Variants in CBFA2T3 observed in about 807,000 individuals in gnomAD.
The protein encoded by CBFA2T3 is CBFA2/RUNX1 partner transcriptional co-repressor 3.
Under a neutral mutation model 58.6 loss-of-function variants are expected in CBFA2T3, and 31 were observed. That is an observed-to-expected ratio of 0.53 (90% CI 0.40 to 0.71). The LOEUF (loss-of-function observed/expected upper bound fraction) is 0.71, where lower values mean the gene tolerates loss of function less well. CBFA2T3 is among the 30% of genes least tolerant of loss of function. The pLI is 0.00. For missense variants in CBFA2T3, 1,076 were observed against 963.1 expected (o/e 1.12, Z -1.55); for synonymous variants, 531 against 421.9 (o/e 1.26, Z -3.17).
chr16:88,892,065 A>G (rs1285215957), intron 4 of CBFA2T3, 94 bp from the exon 5 acceptor site: 6 of 1,354,018 alleles, frequency 4.4e-6, no homozygotes, highest in African/African-American at 1.4e-5. Flanking sequence ...TCCGTGTTGG[A>G]GGCAGGCAGG....
At chr16:88,908,131 C>G (rs1462651688) in intron 1 of CBFA2T3, among the ~76,000 whole-genome samples, 1 of 152,186 alleles carries the variant, frequency 6.6e-6, no homozygotes, top group Non-Finnish European at 1.5e-5. Context: ...CACTTGAGGT[C>G]AGGAGTTCAG....
intron 1 of CBFA2T3, among the ~76,000 whole-genome samples, chr16:88,918,779 G>A (rs1240696566): frequency 2.0e-5 from 3 of 152,164 alleles, no homozygotes; most frequent in African/African-American, 7.2e-5. Context: ...GGCCTCCCAC[G>A]GCAGGGGGTG....
At chr16:88,916,229 T>G (rs1032385236) in intron 1 of CBFA2T3, among the ~76,000 whole-genome samples, 1 of 58,812 alleles carries the variant, frequency 1.7e-5, no homozygotes, top group African/African-American at 9.2e-5. Flanking sequence ...TACATGTGGG[T>G]GTGTGTATTC....
rs1972800467 is a variant in CBFA2T3, at chr16:88,975,168, T to TGATC, written c.151+1488_151+1489insGATC. Among the ~76,000 whole-genome samples, 159 of 76,664 alleles carry TGATC rather than the reference T, an allele frequency of 2.1e-3. 3 individuals are homozygous for TGATC. Among genetic ancestry groups the TGATC allele is most frequent in the East Asian group, 8.1e-3 (23 of 2,832 alleles). 50.3% of individuals were successfully genotyped at this position (76,664 alleles called of 152,430 possible). A position where few individuals can be genotyped will look rare whatever the true frequency, so the allele number is the denominator to read the frequency against. On this transcript the variant is annotated intron_variant, in intron 1 of 11. Transcript: ENST00000268679. ...CCATGTCAGAGGTCCACCCTGACCCTCTCTGCTCCACATCTTTAGCCATGT... is the reference window on the plus strand; with the variant it reads ...CCATGTCAGAGGTCCACCCTGACCCTGATCCTCTGCTCCACATCTTTAGCCATGT...
In CBFA2T3 at chr16:88,885,231, G is replaced by A; in HGVS notation, c.932C>T (p.Pro311Leu). 6.3e-7 allele frequency: 1 copy of A among 1,584,236 alleles called. No homozygotes were observed. Among genetic ancestry groups the A allele is most frequent in the South Asian group, 1.1e-5 (1 of 88,326 alleles). Residue 311 changes from proline to leucine, a missense_variant, in exon 7 of 12, where the codon CCC becomes CTC. Coordinates refer to ENST00000268679, the MANE Select transcript of CBFA2T3 (RefSeq NM_005187.6). This position sits in a 1 kb window ranked among gnomAD's most constrained non-coding sequence, Gnocchi z 5.3. ...ENGSDRDPLHPEHLSKRPCTL... is the reference protein window; with the variant it reads ...ENGSDRDPLHLEHLSKRPCTL... ...GCATGGCCGTTTGCTGAGGTGCTCG[G>A]GGTGCAGCGGGTCGCGGTCTGACCC...
intron 2 of CBFA2T3, among the ~76,000 whole-genome samples, chr16:88,898,380 G>A (rs1969970256): frequency 6.6e-6 from 1 of 150,570 alleles, no homozygotes; most frequent in Non-Finnish European, 1.5e-5. Context: ...GGGACGCCCG[G>A]GCCGCCGTTT....
chr16:88,890,524 G>C (rs1024055732), intron 5 of CBFA2T3, among the ~76,000 whole-genome samples: 1 of 152,162 alleles, frequency 6.6e-6, no homozygotes, highest in Non-Finnish European at 1.5e-5. Context: ...ACACGTGCTC[G>C]GCAGAGAAGG....
rs569903438 is a variant in CBFA2T3, at chr16:88,888,780, T to G, written c.712-2638A>C. On this transcript the variant is annotated intron_variant, in intron 5 of 11. Transcript: ENST00000268679. The stretch of plus-strand genomic sequence containing the variant: ...GCCATGTCAGAGAGGTGAACAGACT[T>G]CATGTCCCACTGGCCCCGGGCCCCG... Among the ~76,000 whole-genome samples the G allele has an allele frequency of 4.6e-5, 7 of 151,728 alleles. 1 individual carries two copies. Among genetic ancestry groups the G allele is most frequent in the African/African-American group, 1.7e-4 (7 of 41,340 alleles).
At chr16:88,934,264 G>A (rs1251160565) in intron 1 of CBFA2T3, among the ~76,000 whole-genome samples, 3 of 152,150 alleles carry the variant, frequency 2.0e-5, no homozygotes, top group Non-Finnish European at 4.4e-5. Context: ...CGGGCGAGAA[G>A]GGCTGCCCCA....
chr16:88,882,797 C>T, intron 7 of CBFA2T3, 36 bp from the exon 8 acceptor site: 1 of 1,363,196 alleles, frequency 7.3e-7, no homozygotes, highest in African/African-American at 1.4e-5. Context: ...AGGTCCCACC[C>T]ACAGCCAGTC....
intron 1 of CBFA2T3, among the ~76,000 whole-genome samples, chr16:88,926,883 A>G (rs1237722401): frequency 6.6e-6 from 1 of 152,196 alleles, no homozygotes; most frequent in Non-Finnish European, 1.5e-5. Context: ...TCCTTGCAGC[A>G]GCAGGGCAGC....
intron 1 of CBFA2T3, among the ~76,000 whole-genome samples, chr16:88,942,082 C>T (rs543838228): frequency 3.9e-5 from 6 of 152,298 alleles, no homozygotes; most frequent in Non-Finnish European, 8.8e-5. Flanking sequence ...TTTGCATACA[C>T]TTTGCATTCA....
chr16:88,908,788 G>T (rs183440347), intron 1 of CBFA2T3, among the ~76,000 whole-genome samples: 14 of 152,380 alleles, frequency 9.2e-5, no homozygotes, highest in Admixed American at 9.1e-4. Context: ...ATAGGACGCT[G>T]GGCAGGTAAC....
chr16:88,942,924 A>C (rs1395531723), intron 1 of CBFA2T3, among the ~76,000 whole-genome samples: 2 of 151,988 alleles, frequency 1.3e-5, no homozygotes, highest in African/African-American at 4.8e-5. Flanking sequence ...TTCTGAGCCC[A>C]CCCCACAGTA....
chr16:88,901,877 G>A (rs1404506465), intron 1 of CBFA2T3, among the ~76,000 whole-genome samples: 2 of 152,146 alleles, frequency 1.3e-5, no homozygotes, highest in African/African-American at 2.4e-5. Context: ...TGAGGTGGCC[G>A]GCCAGGCTGG....
At chr16:88,889,402 G>GGGGC (rs2142572625) in intron 5 of CBFA2T3, among the ~76,000 whole-genome samples, 1 of 148,216 alleles carries the variant, frequency 6.7e-6, no homozygotes, top group South Asian at 2.2e-4. Context: ...AGAGGAGGCA[G>GGGGC]GGGCGGGAGG....
chr16:88,900,604 G>T (rs1441756619), intron 2 of CBFA2T3, among the ~76,000 whole-genome samples: 1 of 152,172 alleles, frequency 6.6e-6, no homozygotes, highest in Non-Finnish European at 1.5e-5. Context: ...GAGTTTCAGA[G>T]CCTGGGGAGG....
intron 1 of CBFA2T3, among the ~76,000 whole-genome samples, chr16:88,967,538 C>A (rs1382082703): frequency 4.6e-5 from 7 of 151,916 alleles, no homozygotes; most frequent in African/African-American, 1.7e-4. Context: ...TGAGCTAGGT[C>A]CCCCCAACCC....
chr16:88,957,909 G>C (rs1972258883), intron 1 of CBFA2T3: 1 of 152,108 alleles, frequency 6.6e-6, no homozygotes. Flanking sequence ...TCTAAAACTT[G>C]TTAGCAATGA....
Sources: allele counts gnomAD v4.1 joint callset (sites outside exome capture counted in the v4.1 genomes callset), GRCh38; gene constraint gnomAD v4.1.1; non-coding constraint Gnocchi (gnomAD v3.1); transcripts MANE v1.5; gene names NCBI Gene and HGNC (gene_info 2026-07-23, HGNC 2026-07-21).